SCEL: variants seen among roughly 807,000 people sequenced by gnomAD.
The protein encoded by SCEL is sciellin.
A neutral mutation model predicts 117.6 loss-of-function variants in SCEL; 113 were observed. The observed-to-expected ratio is 0.96, with a 90% CI of 0.83 to 1.12. SCEL has a LOEUF of 1.12. Ranked by LOEUF, SCEL falls within the 50% of genes most tolerant of loss-of-function variation. The pLI is 0.00. For missense variants in SCEL, 785 were observed against 810.8 expected (o/e 0.97, Z 0.39); for synonymous variants, 270 against 256.2 (o/e 1.05, Z -0.51).
rs374182594 is a variant in SCEL at position 77,579,160 on chromosome 13, G to A, written c.545+6971G>A. Among the ~76,000 whole-genome samples the A allele has an allele frequency of 5.3e-5, 8 of 152,048 alleles. No homozygotes were observed. The East Asian group carries it at 7.7e-4, about 15-fold the overall frequency. On this transcript the variant is annotated intron_variant, in intron 9 of 32. Transcript: ENST00000349847. ...TCTGGCATGAATTTTACTTCCTCCC[G>A]AAAGCTTTCATACTCTAAGGTGTTA...
At chr13:77,620,928 C>T (rs1269640505) in intron 27 of SCEL, among the ~76,000 whole-genome samples, 1 of 152,132 alleles carries the variant, frequency 6.6e-6, no homozygotes, top group Non-Finnish European at 1.5e-5. Context: ...CTATCTATTG[C>T]ATATTTTTCA....
chr13:77,589,509 G>A (rs1197944147), intron 10 of SCEL, among the ~76,000 whole-genome samples: 1 of 151,962 alleles, frequency 6.6e-6, no homozygotes, highest in Non-Finnish European at 1.5e-5. Context: ...TTATATATTT[G>A]CTCCTAATAT....
intron 27 of SCEL, 82 bp downstream of exon 27, chr13:77,618,142 C>A: frequency 7.2e-6 from 7 of 972,776 alleles, no homozygotes; most frequent in Non-Finnish European, 1.2e-5. Flanking sequence ...CCCTGCCTCC[C>A]TCCCTTCCTC....
At chr13:77,604,509 T>C in intron 19 of SCEL, 94 bp downstream of exon 19, 1 of 1,000,854 alleles carries the variant, frequency 1.0e-6, no homozygotes, top group Non-Finnish European at 1.4e-6. Flanking sequence ...AAATTGGAAT[T>C]CAGGCCAAAA....
rs560795872 is a variant in SCEL, at chr13:77,596,597, C to T, written c.753-948C>T. On this transcript the variant is annotated intron_variant, in intron 12 of 32. Transcript: ENST00000349847. Reference sequence around the variant, plus strand: ...AATAAGTGATGAGTCCTGGATCGTACTCCATGTGTCCTTAACAAGGAAACT... The same window carrying T: ...AATAAGTGATGAGTCCTGGATCGTATTCCATGTGTCCTTAACAAGGAAACT... Among the ~76,000 whole-genome samples, 9 of 152,174 alleles carry T rather than the reference C, an allele frequency of 5.9e-5. 1 individual carries two copies. The South Asian group carries it at 1.5e-3, about 25-fold the overall frequency.
intron 1 of SCEL, among the ~76,000 whole-genome samples, chr13:77,537,489 T>C (rs2083469616): frequency 6.6e-6 from 1 of 152,210 alleles, no homozygotes; most frequent in South Asian, 2.1e-4. Context: ...AATATTATAG[T>C]GTGTATGGTA....
intron 1 of SCEL, among the ~76,000 whole-genome samples, chr13:77,552,924 T>C (rs2084423327): frequency 6.6e-6 from 1 of 152,224 alleles, no homozygotes; most frequent in Non-Finnish European, 1.5e-5. Context: ...GCTTTCTACA[T>C]ATGGCTAGCC....
At chr13:77,564,062 C>G (rs596148) in intron 5 of SCEL, among the ~76,000 whole-genome samples, 163 bp downstream of exon 5, 31,796 of 152,046 alleles carry the variant, frequency 0.21, 4,146 homozygotes, top group African/African-American at 0.37. Context: ...TTCTTCAGAT[C>G]TCACTAAATC....
At chr13:77,603,482 G>T (rs953564776) in intron 18 of SCEL, among the ~76,000 whole-genome samples, 1 of 152,166 alleles carries the variant, frequency 6.6e-6, no homozygotes, top group Non-Finnish European at 1.5e-5. Flanking sequence ...AGCCATCATT[G>T]GAGCTCTGGT....
At chr13:77,619,724 C>A (rs938156297) in intron 27 of SCEL, among the ~76,000 whole-genome samples, 2 of 152,130 alleles carry the variant, frequency 1.3e-5, no homozygotes, top group African/African-American at 4.8e-5. Context: ...TTTATAGTGG[C>A]ATTTGTTGGG....
At chr13:77,589,992 C>G (rs1205209501) in intron 10 of SCEL, among the ~76,000 whole-genome samples, 1 of 152,108 alleles carries the variant, frequency 6.6e-6, no homozygotes, top group East Asian at 1.9e-4. Flanking sequence ...AAAATAGTAA[C>G]TCAACGGAGA....
intron 12 of SCEL, 33 bp from the exon 13 acceptor site, chr13:77,597,512 A>G (rs1476202363): frequency 3.7e-6 from 5 of 1,341,442 alleles, no homozygotes; most frequent in Admixed American, 2.1e-5. Context: ...CAAGCTTTTT[A>G]CTAATGTTAA....
At chr13:77,536,284 T>G (rs1213564024) in intron 1 of SCEL, among the ~76,000 whole-genome samples, 1 of 152,240 alleles carries the variant, frequency 6.6e-6, no homozygotes, top group East Asian at 1.9e-4. Flanking sequence ...TTTTTTTCTC[T>G]ACTGCTAAAA....
At chr13:77,584,124 A>G (rs954159146) in intron 9 of SCEL, among the ~76,000 whole-genome samples, 2 of 152,184 alleles carry the variant, frequency 1.3e-5, no homozygotes, top group Non-Finnish European at 2.9e-5. Flanking sequence ...TCGCATCTCA[A>G]AGCAGAATTC....
intron 9 of SCEL, among the ~76,000 whole-genome samples, chr13:77,586,126 G>A (rs1215835020): frequency 6.6e-6 from 1 of 152,028 alleles, no homozygotes; most frequent in African/African-American, 2.4e-5. Context: ...GAAGACTTCA[G>A]CACCACGCTC....
chr13:77,621,645 C>A (rs1395226778), intron 27 of SCEL, among the ~76,000 whole-genome samples: 1 of 152,162 alleles, frequency 6.6e-6, no homozygotes, highest in Non-Finnish European at 1.5e-5. Context: ...ACCTGTAATG[C>A]ATAATGCAAT....
intron 9 of SCEL, among the ~76,000 whole-genome samples, chr13:77,588,189 G>C (rs2086668391): frequency 6.6e-6 from 1 of 152,156 alleles, no homozygotes; most frequent in South Asian, 2.1e-4. Flanking sequence ...CACATAGAAA[G>C]CTACCAATAA....
chr13:77,599,687 A>G lies in SCEL; in HGVS notation c.858-2A>G. The G allele has an allele frequency of 6.2e-7, 1 of 1,608,448 alleles. No homozygotes were observed. Reference sequence around the variant, plus strand: ...TTTATGTGAATTTCTTTGTGTTTTCAGAGCCAAAAGCCTTGAAAGTCTCAT... The same window carrying G: ...TTTATGTGAATTTCTTTGTGTTTTCGGAGCCAAAAGCCTTGAAAGTCTCAT... On this transcript the variant is annotated splice_acceptor_variant, in intron 14 of 32. Transcript: ENST00000349847. LOFTEE classifies it high-confidence loss of function.
At chr13:77,630,567 G>T (rs570905393) in intron 28 of SCEL, among the ~76,000 whole-genome samples, 1 of 152,202 alleles carries the variant, frequency 6.6e-6, no homozygotes, top group Admixed American at 6.5e-5. Context: ...GAAATTGCTG[G>T]ATTGTAGAGT....
Sources: gnomAD v4.1 joint callset for allele counts (sites outside exome capture counted in the v4.1 genomes callset) on GRCh38, gnomAD v4.1.1 for gene constraint, MANE v1.5 for transcripts, NCBI Gene and HGNC (gene_info 2026-07-23, HGNC 2026-07-21) for gene names.